Variants in ESRRB observed in about 807,000 individuals in gnomAD.
The protein encoded by ESRRB is steroid hormone receptor ERR2.
A neutral mutation model predicts 46.0 loss-of-function variants in ESRRB; 16 were observed. The ratio of observed to expected loss-of-function variants is 0.35; its 90% CI spans 0.24 to 0.53. The LOEUF (loss-of-function observed/expected upper bound fraction) is 0.53. ESRRB is among the 20% of genes least tolerant of loss of function. ESRRB has a pLI of 0.93. For synonymous variants in ESRRB, 246 were observed against 259.6 expected, an observed-to-expected ratio of 0.95 and a Z score of 0.50; for missense variants, 488 against 607.4, an observed-to-expected ratio of 0.80 and a Z score of 2.07.
intron 1 of ESRRB, among the ~76,000 whole-genome samples, chr14:76,330,931 A>G (rs887715340): frequency 9.2e-5 from 14 of 152,136 alleles, no homozygotes; most frequent in African/African-American, 3.4e-4. Context: ...CCCCAAATCA[A>G]TAGCAGTAGC....
intron 1 of ESRRB, among the ~76,000 whole-genome samples, chr14:76,315,547 T>C (rs545008868): frequency 1.3e-5 from 2 of 152,234 alleles, no homozygotes; most frequent in East Asian, 1.9e-4. Flanking sequence ...GGGATAACAA[T>C]AGGATCAACC....
At chr14:76,414,397 C>T (rs1886600265) in intron 1 of ESRRB, among the ~76,000 whole-genome samples, 6 of 150,926 alleles carry the variant, frequency 4.0e-5, no homozygotes. Context: ...GTGAGTTAAT[C>T]TGTGTTCGGT....
intron 1 of ESRRB, among the ~76,000 whole-genome samples, chr14:76,330,067 G>T (rs1423775493): frequency 1.3e-5 from 2 of 152,014 alleles, no homozygotes; most frequent in Non-Finnish European, 2.9e-5. Context: ...GCGAATGACG[G>T]ACACACCTGT....
intron 3 of ESRRB, among the ~76,000 whole-genome samples, chr14:76,463,762 G>A (rs781200818): frequency 2.6e-5 from 4 of 151,822 alleles, no homozygotes; most frequent in South Asian, 2.1e-4. Flanking sequence ...TTATCTATTC[G>A]TTAATGTGAC....
chr14:76,402,763 G>T (rs551791941), intron 1 of ESRRB, among the ~76,000 whole-genome samples: 135 of 152,138 alleles, frequency 8.9e-4, no homozygotes, highest in Non-Finnish European at 5.9e-5. Flanking sequence ...CGAACTCCTG[G>T]CCTCAAGCTA....
upstream of ESRRB, among the ~76,000 whole-genome samples, chr14:76,374,901 C>G (rs1884710829): frequency 6.6e-6 from 1 of 152,172 alleles, no homozygotes; most frequent in Non-Finnish European, 1.5e-5. Context: ...AGTCAAAAAT[C>G]ATCTGCGATC....
chr14:76,485,652 AG>A (rs1566612702), intron 5 of ESRRB, among the ~76,000 whole-genome samples: 20 of 150,552 alleles, frequency 1.3e-4, no homozygotes, highest in African/African-American at 4.9e-4. Flanking sequence ...AGAGAGAGAG[AG>A]AGAGAGAAAG....
chr14:76,311,776 G>T (rs965694479), intron 1 of ESRRB, among the ~76,000 whole-genome samples: 1 of 152,084 alleles, frequency 6.6e-6, no homozygotes, highest in Admixed American at 6.5e-5. Context: ...TAGTGTGCCG[G>T]CTCTGAGTGC....
chr14:76,334,421 A>G (rs559845341), intron 1 of ESRRB, among the ~76,000 whole-genome samples: 58 of 152,326 alleles, frequency 3.8e-4, no homozygotes, highest in Non-Finnish European at 7.8e-4. Flanking sequence ...CGTCTTCCTC[A>G]TCTTGCTCTG....
At chr14:76,496,775 C>T (rs1465842084) in intron 6 of ESRRB, among the ~76,000 whole-genome samples, 1 of 152,116 alleles carries the variant, frequency 6.6e-6, no homozygotes, top group Non-Finnish European at 1.5e-5. Context: ...GCTCAGGGGG[C>T]TGACGCTGGG....
At chr14:76,423,141 CCT>C (rs1491154874) in intron 1 of ESRRB, among the ~76,000 whole-genome samples, 2 of 143,508 alleles carry the variant, frequency 1.4e-5, no homozygotes, top group Non-Finnish European at 3.0e-5. Flanking sequence ...TCTTTCATAA[CCT>C]TTTTTTTTTT....
At chr14:76,494,463 C>T (rs1453259416) in intron 6 of ESRRB, among the ~76,000 whole-genome samples, 2 of 151,998 alleles carry the variant, frequency 1.3e-5, no homozygotes, top group Admixed American at 6.6e-5. Flanking sequence ...CCTGCCACCA[C>T]GCCCGGCTAA....
At chr14:76,369,565 C>G (rs559296063), upstream of ESRRB, among the ~76,000 whole-genome samples, 1 of 152,150 alleles carries the variant, frequency 6.6e-6, no homozygotes, top group African/African-American at 2.4e-5. Flanking sequence ...CGAGCCACCA[C>G]GCCCGGCCTC....
intron 1 of ESRRB, among the ~76,000 whole-genome samples, chr14:76,360,922 T>G (rs1884455035): frequency 6.6e-6 from 1 of 152,176 alleles, no homozygotes; most frequent in Non-Finnish European, 1.5e-5. Flanking sequence ...AGAGGAGGGA[T>G]TATTCTGCCT....
intron 1 of ESRRB, among the ~76,000 whole-genome samples, chr14:76,332,773 TA>T (rs1455325568): frequency 1.4e-4 from 2 of 14,486 alleles, no homozygotes; most frequent in Non-Finnish European, 2.2e-4. Context: ...ATATAATATA[TA>T]TTATATATTA....
chr14:76,320,101 T>C (rs545261761), intron 1 of ESRRB, among the ~76,000 whole-genome samples: 2 of 152,298 alleles, frequency 1.3e-5, no homozygotes, highest in Admixed American at 1.3e-4. Context: ...GGGATGAATT[T>C]GCCTAATCAT....
At chr14:76,420,858 C>T (rs1438847352) in intron 1 of ESRRB, among the ~76,000 whole-genome samples, 1 of 152,166 alleles carries the variant, frequency 6.6e-6, no homozygotes, top group Non-Finnish European at 1.5e-5. Context: ...CACCCTCACA[C>T]ACCCCACCTG....
chr14:76,466,909 A>G (rs1017441175), intron 3 of ESRRB, among the ~76,000 whole-genome samples: 5 of 151,950 alleles, frequency 3.3e-5, no homozygotes, highest in Non-Finnish European at 5.9e-5. Context: ...TTTTTAGTAG[A>G]GATGGGGTTT....
intron 3 of ESRRB, among the ~76,000 whole-genome samples, 172 bp downstream of exon 3, chr14:76,462,833 C>T (rs919773513): frequency 2.0e-5 from 3 of 152,182 alleles, no homozygotes; most frequent in African/African-American, 7.2e-5. Flanking sequence ...CATGGCTCTC[C>T]TCCTTTAGGG....
Sources: gnomAD v4.1 joint callset for allele counts (sites outside exome capture counted in the v4.1 genomes callset) on GRCh38, gnomAD v4.1.1 for gene constraint, MANE v1.5 for transcripts, NCBI Gene and HGNC (gene_info 2026-07-23, HGNC 2026-07-21) for gene names.